The following ACTN1 variants were observed in gnomAD, a reference collection of about 807,000 sequenced individuals.
The protein encoded by ACTN1 is actinin alpha 1, also known as alpha-actinin-1.
In ACTN1, 30 loss-of-function variants were observed where a neutral mutation model predicts 119.6. The ratio of observed to expected loss-of-function variants is 0.25; its 90% CI spans 0.19 to 0.34. ACTN1 has a LOEUF of 0.34. Ranked by LOEUF, ACTN1 falls within the 10% of genes least tolerant of loss-of-function variation. The pLI, the probability that ACTN1 is intolerant of heterozygous loss-of-function variation, is 1.00. For synonymous variants in ACTN1, 429 were observed against 472.6 expected, an observed-to-expected ratio of 0.91 and a Z score of 1.20; for missense variants, 764 against 1,223.4, an observed-to-expected ratio of 0.62 and a Z score of 5.60.
chr14:68,964,749 A>C (rs149774592), intron 1 of ACTN1, among the ~76,000 whole-genome samples: 36 of 152,332 alleles, frequency 2.4e-4, no homozygotes, highest in African/African-American at 8.7e-4. Context: ...TAATGCACGT[A>C]ATGGACTTAG....
At chr14:68,923,529 G>A (rs78328976) in intron 2 of ACTN1, among the ~76,000 whole-genome samples, 2,345 of 152,218 alleles carry the variant, frequency 0.015, 60 homozygotes, top group Non-Finnish European at 0.017. Context: ...GCAGTTAGAG[G>A]CAAGGCACGG....
intron 4 of ACTN1, among the ~76,000 whole-genome samples, chr14:68,911,141 T>C (rs1346673622): frequency 6.6e-6 from 1 of 152,146 alleles, no homozygotes; most frequent in Non-Finnish European, 1.5e-5. Context: ...CATTCAAGGG[T>C]TCCTACAAAG....
intron 6 of ACTN1, 86 bp from the exon 7 acceptor site, chr14:68,904,822 G>T: frequency 8.8e-7 from 1 of 1,135,078 alleles, no homozygotes; most frequent in Non-Finnish European, 1.3e-6. Context: ...CACCCAAACT[G>T]GGGAGCAGAG....
chr14:68,890,366 G>C, intron 10 of ACTN1, 80 bp from the exon 11 acceptor site: 1 of 1,521,818 alleles, frequency 6.6e-7, no homozygotes, highest in South Asian at 1.2e-5. Context: ...ACCCCTGAAG[G>C]TGCCCCATGC....
intron 3 of ACTN1, among the ~76,000 whole-genome samples, chr14:68,913,788 C>T (rs1438274671): frequency 1.3e-5 from 2 of 152,186 alleles, no homozygotes; most frequent in African/African-American, 2.4e-5. Flanking sequence ...AGACACCAGG[C>T]GGGGCACAGT....
chr14:68,941,149 C>T (rs2035751824), intron 1 of ACTN1, among the ~76,000 whole-genome samples: 1 of 152,178 alleles, frequency 6.6e-6, no homozygotes, highest in African/African-American at 2.4e-5. Context: ...TGAAGAGCAG[C>T]CAGGGTTCAA....
intron 4 of ACTN1, among the ~76,000 whole-genome samples, chr14:68,911,914 C>T (rs1291069935): frequency 6.6e-6 from 1 of 152,252 alleles, no homozygotes; most frequent in Non-Finnish European, 1.5e-5. Flanking sequence ...CCCATGGCAG[C>T]CTTGGGCTTT....
intron 8 of ACTN1, among the ~76,000 whole-genome samples, chr14:68,898,241 CA>C (rs1432097093): frequency 1.3e-5 from 2 of 152,220 alleles, no homozygotes; most frequent in African/African-American, 2.4e-5. Context: ...GCTACATAAA[CA>C]AAATCTTAAT....
At chr14:68,884,405 C>A in intron 13 of ACTN1, 97 bp from the exon 14 acceptor site, 1 of 1,401,376 alleles carries the variant, frequency 7.1e-7, no homozygotes, top group East Asian at 2.3e-5. Context: ...GGTCTAGAAG[C>A]ACTGACTCAA....
At chr14:68,901,674 G>C (rs980653695) in intron 8 of ACTN1, among the ~76,000 whole-genome samples, 3 of 152,206 alleles carry the variant, frequency 2.0e-5, no homozygotes, top group Non-Finnish European at 1.5e-5. Flanking sequence ...AGGGAGGTCT[G>C]GGGGAGGGGT....
At chr14:68,960,006 GA>G (rs1458338266) in intron 1 of ACTN1, among the ~76,000 whole-genome samples, 3 of 152,128 alleles carry the variant, frequency 2.0e-5, no homozygotes, top group East Asian at 3.8e-4. Context: ...GTAAGCTACA[GA>G]AAAAAATGTT....
At chr14:68,892,492 T>A (rs2032573072) in intron 9 of ACTN1, among the ~76,000 whole-genome samples, 1 of 152,150 alleles carries the variant, frequency 6.6e-6, no homozygotes, top group South Asian at 2.1e-4. Flanking sequence ...GAAGCCTGGC[T>A]ACTAGGGTAC....
rs116270589 is a variant in ACTN1, at chr14:68,938,155, C to A, written c.106-12483G>T. On this transcript the variant is annotated intron_variant, in intron 1 of 21. Transcript: ENST00000394419. ...CTGCCAGCCCTTCAAAGCCAGCCGT[C>A]AGCTGGTTCATGCGCTGATGAAAAG... Among the ~76,000 whole-genome samples the A allele has an allele frequency of 2.7e-3, 405 of 152,346 alleles. 4 individuals carry two copies. Among genetic ancestry groups the A allele is most frequent in the African/African-American group, 9.3e-3 (385 of 41,574 alleles).
chr14:68,909,489 A>T lies in ACTN1; in HGVS notation c.516-93T>A. The T allele has an allele frequency of 8.9e-7, 1 of 1,122,644 alleles. No homozygotes were observed. Among genetic ancestry groups the T allele is most frequent in the South Asian group, 1.3e-5 (1 of 76,710 alleles). 69.5% of individuals were successfully genotyped at this position (1,122,644 alleles called of 1,614,324 possible). A position where few individuals can be genotyped will look rare whatever the true frequency, so the allele number is the denominator to read the frequency against. Reference sequence around the variant, plus strand: ...AGCAGGGGCCTCCTAGACACCAGAGAGATGAACACATAGAGCTTTCTGGGG... The same window carrying T: ...AGCAGGGGCCTCCTAGACACCAGAGTGATGAACACATAGAGCTTTCTGGGG... On this transcript the variant is annotated intron_variant, in intron 5 of 21. Transcript: ENST00000394419. This position sits in a 1 kb window ranked among gnomAD's most constrained non-coding sequence, Gnocchi z 4.1.
Position 68,889,983 on chromosome 14 carries a change from C to T in ACTN1, c.1234+156G>A, listed in dbSNP as rs969596155. 5.9e-5 allele frequency among the ~76,000 whole-genome samples: 9 copies of T among 152,352 alleles called. No individual in the cohort carries two copies. The South Asian group carries it at 6.2e-4, about 11-fold the overall frequency. On this transcript the variant is annotated intron_variant, in intron 11 of 21. Transcript: ENST00000394419. ...CACTTTACAGATGAGGAAGCTGAGG[C>T]GACCAGAAGGCTAATGAACTTGCCT...
intron 1 of ACTN1, among the ~76,000 whole-genome samples, chr14:68,969,022 T>C (rs1037828839): frequency 6.6e-6 from 1 of 152,286 alleles, no homozygotes; most frequent in East Asian, 1.9e-4. Flanking sequence ...CCAGGCACCT[T>C]TGGGTGCTAC....
In ACTN1 at chr14:68,964,642, T is replaced by C. The variant is rs569543790; in HGVS notation, c.105+14310A>G. ...CTAAAAGCTGTGAGTTGGGAGAAAATATTTAATCTCTCTAAGCCTCAGTTC... is the reference window on the plus strand; with the variant it reads ...CTAAAAGCTGTGAGTTGGGAGAAAACATTTAATCTCTCTAAGCCTCAGTTC... On this transcript the variant is annotated intron_variant, in intron 1 of 21. Transcript: ENST00000394419. Among the ~76,000 whole-genome samples the C allele has an allele frequency of 9.3e-4, 141 of 152,194 alleles. 1 individual carries two copies. The highest frequency in any genetic ancestry group is 3.3e-3 in the African/African-American group (139 of 41,512).
intron 14 of ACTN1, 53 bp downstream of exon 14, chr14:68,884,115 T>C (rs2031797110): frequency 2.6e-6 from 4 of 1,558,572 alleles, no homozygotes; most frequent in Non-Finnish European, 2.6e-6. Context: ...CCACAGAGCA[T>C]GGGCCAGGGG....
Position 68,882,698 on chromosome 14 carries a change from A to C in ACTN1, c.1819-106T>G, listed in dbSNP as rs780162368. 7 of 1,550,526 alleles carry C rather than the reference A, an allele frequency of 4.5e-6. No individual in the cohort carries two copies. The highest frequency in any genetic ancestry group is 6.1e-6 in the Non-Finnish European group (7 of 1,139,422). On this transcript the variant is annotated intron_variant, in intron 15 of 21. Coordinates refer to ENST00000394419, the MANE Select transcript of ACTN1 (RefSeq NM_001130004.2). This position sits in a 1 kb window ranked among gnomAD's most constrained non-coding sequence, Gnocchi z 4.5. ...AAGGGGAAGGGCCGGTCAGTAACAG[A>C]ACAGGAGTAAAGGTGTCAACCTGTT...
Sources: gnomAD v4.1 joint callset for allele counts (sites outside exome capture counted in the v4.1 genomes callset) on GRCh38, gnomAD v4.1.1 for gene constraint, Gnocchi (gnomAD v3.1) non-coding constraint, MANE v1.5 for transcripts, NCBI Gene and HGNC (gene_info 2026-07-23, HGNC 2026-07-21) for gene names.